The following SMARCC1 variants were observed in gnomAD, a reference collection of about 807,000 sequenced individuals.
The protein encoded by SMARCC1 is SWI/SNF complex subunit SMARCC1.
Under a neutral mutation model 147.4 loss-of-function variants are expected in SMARCC1, and 43 were observed. That is an observed-to-expected ratio of 0.29 (90% CI 0.23 to 0.38). The LOEUF (loss-of-function observed/expected upper bound fraction) is 0.38, where lower values mean the gene tolerates loss of function less well. Ranked by LOEUF, SMARCC1 falls within the 10% of genes least tolerant of loss-of-function variation. The pLI is 1.00. For missense variants in SMARCC1, 1,119 were observed against 1,381.1 expected, an observed-to-expected ratio of 0.81 and a Z score of 3.01; for synonymous variants, 495 against 484.4, an observed-to-expected ratio of 1.02 and a Z score of -0.29.
intron 11 of SMARCC1, among the ~76,000 whole-genome samples, chr3:47,694,175 C>A (rs2033821548): frequency 2.0e-5 from 3 of 152,184 alleles, no homozygotes; most frequent in South Asian, 4.1e-4. Flanking sequence ...CTGATGGAAA[C>A]CATGTTTATT....
At chr3:47,628,709 C>A (rs919665505) in intron 24 of SMARCC1, among the ~76,000 whole-genome samples, 11 of 152,124 alleles carry the variant, frequency 7.2e-5, no homozygotes, top group Admixed American at 7.2e-4. Context: ...GGCCTACAGG[C>A]ACGTGCCACT....
At chr3:47,622,617 C>T (rs920381809) in intron 24 of SMARCC1, among the ~76,000 whole-genome samples, 17 of 152,066 alleles carry the variant, frequency 1.1e-4, no homozygotes, top group East Asian at 1.9e-4. Context: ...CCCTGATGGG[C>T]CAAAGATGAG....
chr3:47,670,779 G>C (rs376277977), intron 18 of SMARCC1, 62 bp from the exon 19 acceptor site: 8 of 1,002,082 alleles, frequency 8.0e-6, no homozygotes, highest in Non-Finnish European at 1.3e-5. Flanking sequence ...GAGCTCAGTA[G>C]AATTCCTTTC....
At chr3:47,660,615 A>C (rs972846760) in intron 21 of SMARCC1, among the ~76,000 whole-genome samples, 8 of 152,156 alleles carry the variant, frequency 5.3e-5, no homozygotes, top group African/African-American at 1.9e-4. Flanking sequence ...TAAGTCAAAG[A>C]AGCAGACACA....
chr3:47,676,573 C>A, intron 17 of SMARCC1, 56 bp downstream of exon 17: 3 of 1,273,112 alleles, frequency 2.4e-6, no homozygotes, highest in Non-Finnish European at 1.1e-6. Context: ...AATAGATATG[C>A]TATAAATGGC....
intron 25 of SMARCC1, among the ~76,000 whole-genome samples, chr3:47,613,863 C>A (rs1459381341): frequency 6.6e-6 from 1 of 152,030 alleles, no homozygotes; most frequent in East Asian, 1.9e-4. Flanking sequence ...CGTATCCAAG[C>A]GAAATCTAAC....
rs1168733796 is a variant in SMARCC1, at chr3:47,596,579, AT to A, written c.3044-5743del. 7.3e-5 allele frequency among the ~76,000 whole-genome samples: 11 copies of A among 151,388 alleles called. No individual in the cohort carries two copies. In the East Asian group the frequency reaches 1.2e-3, roughly 16 times the overall value. ...CAGACTCCGTCTCAAAAAAAAAAAA[AT>A]AAATAAATAAATAAGAAGAAGAAGA... On this transcript the variant is annotated intron_variant, in intron 26 of 27. Transcript: ENST00000254480.
In SMARCC1 at chr3:47,781,842, G is replaced by C. The variant is rs1039186705; in HGVS notation, c.-45C>G. ...CACAGCCTGGCCCACCCCGGCCCTC[G>C]CGGTGTTTCCCGGTCGTTCCCGCGC... On this transcript the variant is annotated 5_prime_UTR_variant, in exon 1 of 28. Transcript: ENST00000254480. The C allele has an allele frequency of 7.9e-7, 1 of 1,264,170 alleles. No homozygotes were observed. Among genetic ancestry groups the C allele is most frequent in the African/African-American group, 1.6e-5 (1 of 63,398 alleles). The allele number at this position is 1,264,170 out of a possible 1,614,324, so 78.3% of individuals were successfully genotyped here.
chr3:47,617,775 G>A (rs927277943), intron 25 of SMARCC1, among the ~76,000 whole-genome samples: 1 of 152,126 alleles, frequency 6.6e-6, no homozygotes, highest in Admixed American at 6.5e-5. Flanking sequence ...TCTCCAAGCT[G>A]GTTGCCAACG....
intron 21 of SMARCC1, among the ~76,000 whole-genome samples, chr3:47,639,484 C>A (rs773751007): frequency 2.0e-5 from 3 of 152,066 alleles, no homozygotes; most frequent in Admixed American, 6.6e-5. Flanking sequence ...GAGGCCGAGG[C>A]GGCTGCATCA....
At chr3:47,611,736 T>A (rs2032568055) in intron 25 of SMARCC1, among the ~76,000 whole-genome samples, 1 of 152,054 alleles carries the variant, frequency 6.6e-6, no homozygotes, top group African/African-American at 2.4e-5. Flanking sequence ...CTGGGGAAAA[T>A]CCCTGTGAAA....
At chr3:47,710,854 A>T in intron 8 of SMARCC1, 46 bp from the exon 9 acceptor site, 2 of 1,532,514 alleles carry the variant, frequency 1.3e-6, no homozygotes, top group Non-Finnish European at 1.8e-6. Context: ...TAACAAAATC[A>T]CTCAAGGTTT....
At chr3:47,736,897 G>C (rs548837712) in intron 4 of SMARCC1, among the ~76,000 whole-genome samples, 1 of 151,822 alleles carries the variant, frequency 6.6e-6, no homozygotes. Flanking sequence ...CCTCTCCCCA[G>C]GAAGGTTAAT....
intron 25 of SMARCC1, among the ~76,000 whole-genome samples, chr3:47,620,902 A>G (rs928604898): frequency 6.6e-6 from 1 of 152,262 alleles, no homozygotes; most frequent in Non-Finnish European, 1.5e-5. Flanking sequence ...AAGACTGTAC[A>G]TTAGTTCAGC....
At chr3:47,771,788 CAT>C (rs2034917241) in intron 2 of SMARCC1, among the ~76,000 whole-genome samples, 1 of 151,558 alleles carries the variant, frequency 6.6e-6, no homozygotes, top group Non-Finnish European at 1.5e-5. Context: ...CATATCATAA[CAT>C]AAAAATAAAG....
intron 6 of SMARCC1, among the ~76,000 whole-genome samples, chr3:47,726,018 C>T (rs944408711): frequency 2.9e-5 from 4 of 137,152 alleles, no homozygotes; most frequent in Admixed American, 8.3e-5. Context: ...GCCAAGATCA[C>T]GCCACTGCAC....
chr3:47,648,990 C>T (rs2033153351), intron 21 of SMARCC1, among the ~76,000 whole-genome samples: 1 of 152,208 alleles, frequency 6.6e-6, no homozygotes, highest in African/African-American at 2.4e-5. Context: ...ATACATCCTA[C>T]TACCTAATAA....
At chr3:47,760,690 A>G (rs1409286804) in intron 2 of SMARCC1, among the ~76,000 whole-genome samples, 2 of 152,180 alleles carry the variant, frequency 1.3e-5, no homozygotes, top group Non-Finnish European at 2.9e-5. Flanking sequence ...AATGTAAGTC[A>G]TAACAAACAA....
intron 21 of SMARCC1, among the ~76,000 whole-genome samples, chr3:47,658,748 G>A (rs114883297): frequency 2.6e-5 from 4 of 152,154 alleles, no homozygotes; most frequent in East Asian, 1.9e-4. Flanking sequence ...TACATGAAAC[G>A]AATAAATTCC....
Sources: allele counts gnomAD v4.1 joint callset (sites outside exome capture counted in the v4.1 genomes callset), GRCh38; gene constraint gnomAD v4.1.1; transcripts MANE v1.5; gene names NCBI Gene and HGNC (gene_info 2026-07-23, HGNC 2026-07-21).